Variants in ACTR1A observed in about 807,000 individuals in gnomAD.
ACTR1A encodes the protein alpha-centractin.
ACTR1A carries 10 observed loss-of-function variants against 50.7 expected under a neutral mutation model. That is an observed-to-expected ratio of 0.20 (90% CI 0.12 to 0.33). The LOEUF is 0.33. Ranked by LOEUF, ACTR1A falls within the 10% of genes least tolerant of loss-of-function variation. The probability of loss-of-function intolerance (pLI) is 1.00; values close to 1 mark genes in which losing one functional copy is unlikely to be tolerated. For synonymous variants in ACTR1A, 177 were observed against 184.2 expected (o/e 0.96, Z 0.32); for missense variants, 253 against 491.7 (o/e 0.51, Z 4.59).
chr10:102,495,974 C>A (rs528866898), intron 1 of ACTR1A, among the ~76,000 whole-genome samples: 117 of 151,716 alleles, frequency 7.7e-4, no homozygotes, highest in African/African-American at 2.8e-3. Flanking sequence ...GAGACGCAGT[C>A]TCGCTCTGTT....
chr10:102,481,158 C>T lies in ACTR1A; in HGVS notation c.1002G>A (p.Gln334=). 3 of 1,604,486 alleles carry T rather than the reference C, an allele frequency of 1.9e-6. No homozygotes were observed. The highest frequency in any genetic ancestry group is 2.6e-6 in the Non-Finnish European group (3 of 1,175,062). Residue 334 remains glutamine, a synonymous_variant, in exon 10 of 11, where the codon CAG becomes CAA. Transcript: ENST00000369905. ...KDVKIRISAP[Q]ERLYSTWIGG... ...CAATCCACGTGGAATACAGTCTCTC[C>T]TGAGGTGCAGATATCTGCAAAGGTG...
At position 102,488,030 on chromosome 10, in the gene ACTR1A, G is replaced by C; in HGVS notation, c.315+120C>G. On this transcript the variant is annotated intron_variant, in intron 4 of 10. Transcript: ENST00000369905. This position sits in a 1 kb window ranked among gnomAD's most constrained non-coding sequence, Gnocchi z 4.4. The stretch of plus-strand genomic sequence containing the variant: ...GTTAAGATTAAATCTGAATATGCCT[G>C]AAAATCAAATGGCTCCAGCACTCTT... 8.3e-7 allele frequency: 1 copy of C among 1,209,716 alleles called. No homozygotes were observed. The highest frequency in any genetic ancestry group is 1.2e-6 in the Non-Finnish European group (1 of 859,652). The allele number at this position is 1,209,716 out of a possible 1,614,324, so 74.9% of individuals were successfully genotyped here. A position where few individuals can be genotyped will look rare whatever the true frequency, so the allele number is the denominator to read the frequency against.
rs398014648 is a variant in ACTR1A at position 102,493,001 on chromosome 10, C to CAAAAAAAAAA, written c.49-2398_49-2389dup. ...AGGGAGACAGAGTGAGACTCCACCT[C>CAAAAAAAAAA]AAAAAAAAAAAAAAAAAAAAAAAGA... On this transcript the variant is annotated intron_variant, in intron 1 of 10. Transcript: ENST00000369905. Among the ~76,000 whole-genome samples, 96 of 48,908 alleles carry CAAAAAAAAAA rather than the reference C, an allele frequency of 2.0e-3. 2 individuals are homozygous for CAAAAAAAAAA. The highest frequency in any genetic ancestry group is 4.3e-3 in the African/African-American group (45 of 10,508). 32.1% of individuals were successfully genotyped at this position (48,908 alleles called of 152,430 possible).
At chr10:102,487,756 G>A (rs1052193937) in intron 4 of ACTR1A, among the ~76,000 whole-genome samples, 5 of 150,636 alleles carry the variant, frequency 3.3e-5, no homozygotes, top group African/African-American at 4.9e-5. Context: ...CTCAGCCTCC[G>A]GAGTAGCTGG....
intron 1 of ACTR1A, among the ~76,000 whole-genome samples, chr10:102,492,940 T>A (rs1287906585): frequency 7.4e-6 from 1 of 134,734 alleles, no homozygotes; most frequent in Non-Finnish European, 1.5e-5. Context: ...AGGTGGAGGT[T>A]GCAGTGAGCC....
Position 102,479,410 on chromosome 10 carries a change from T to C in ACTR1A, c.*1453A>G. The C allele has an allele frequency of 2.7e-6, 1 of 376,242 alleles. No individual in the cohort carries two copies. Among genetic ancestry groups the C allele is most frequent in the Non-Finnish European group, 5.1e-6 (1 of 196,598 alleles). 23.3% of individuals were successfully genotyped at this position (376,242 alleles called of 1,614,324 possible). ...CATACCTGCTGCTGTGGCCCACACCTGGCAGGGGCCTTTGGTCATAGGACG... is the reference window on the plus strand; with the variant it reads ...CATACCTGCTGCTGTGGCCCACACCCGGCAGGGGCCTTTGGTCATAGGACG... On this transcript the variant is annotated 3_prime_UTR_variant, in exon 11 of 11. Coordinates refer to ENST00000369905, the MANE Select transcript of ACTR1A (RefSeq NM_005736.4). The surrounding 1 kb of genome is among the most constrained non-coding windows in gnomAD (Gnocchi z 4.0).
chr10:102,495,160 C>G (rs748173310), intron 1 of ACTR1A, among the ~76,000 whole-genome samples: 65 of 152,046 alleles, frequency 4.3e-4, no homozygotes, highest in Non-Finnish European at 7.9e-4. Flanking sequence ...GTCCATAGTC[C>G]TTGCTACTTG....
chr10:102,502,633 A>T lies in ACTR1A; in HGVS notation c.15T>A (p.Asp5Glu). The T allele has an allele frequency of 6.2e-7, 1 of 1,614,230 alleles. No homozygotes were observed. Among genetic ancestry groups the T allele is most frequent in the Non-Finnish European group, 8.5e-7 (1 of 1,180,018 alleles). The part of the protein sequence containing the change: MESY[D>E]VIANQPVVID... Reference sequence around the variant, plus strand: ...TCACGACAGGCTGGTTGGCGATCACATCGTAGGACTCCATGGCAGAGGAAT... The same window carrying T: ...TCACGACAGGCTGGTTGGCGATCACTTCGTAGGACTCCATGGCAGAGGAAT... Residue 5 changes from aspartate to glutamate, a missense_variant, in exon 1 of 11, where the codon GAT (aspartate) becomes GAA (glutamate). Physicochemically the swap from Asp to Glu is conservative, Grantham distance 45. Around this residue, in one of 4 missense-constraint regions of ACTR1A, gnomAD observed 96 missense variants for 238.7 expected, o/e 0.40. Transcript: ENST00000369905.
At position 102,482,390 on chromosome 10, in the gene ACTR1A, G is replaced by A; in HGVS notation, c.751-215C>T. On this transcript the variant is annotated intron_variant, in intron 7 of 10. Transcript: ENST00000369905. The surrounding 1 kb of genome is among the most constrained non-coding windows in gnomAD (Gnocchi z 5.6). ...GCTCCTATATTTCCTTCTCGCTCTG[G>A]CATTTTCCAGCCAAGAGGTCTTTGG... is the stretch of plus-strand genomic sequence containing the variant. 1 of 582,162 alleles carries A rather than the reference G, an allele frequency of 1.7e-6. No individual in the cohort carries two copies. The highest frequency in any genetic ancestry group is 3.0e-6 in the Non-Finnish European group (1 of 328,528). 36.1% of individuals were successfully genotyped at this position (582,162 alleles called of 1,614,324 possible). A position where few individuals can be genotyped will look rare whatever the true frequency, so the allele number is the denominator to read the frequency against.
intron 5 of ACTR1A, 21 bp from the exon 6 acceptor site, chr10:102,484,397 G>A (rs148213932): frequency 1.2e-4 from 191 of 1,595,206 alleles, no homozygotes; most frequent in East Asian, 4.7e-4. Context: ...GGGGCAAACC[G>A]TCACTCAGCA....
In ACTR1A at chr10:102,479,337, A is replaced by G. The variant is rs1399204824; in HGVS notation, c.*1526T>C. 4.2e-5 allele frequency: 16 copies of G among 383,286 alleles called. No individual in the cohort carries two copies. Among genetic ancestry groups the G allele is most frequent in the African/African-American group, 2.7e-4 (13 of 47,396 alleles). The allele number at this position is 383,286 out of a possible 1,614,324, so 23.7% of individuals were successfully genotyped here. On this transcript the variant is annotated 3_prime_UTR_variant, in exon 11 of 11. Transcript: ENST00000369905. The surrounding 1 kb of genome is among the most constrained non-coding windows in gnomAD (Gnocchi z 4.0). ...GGCTTGGGCTAAGAGAAGGGAGGTG[A>G]GTTGGTTAAGCGCACTGCAGTCCGC...
intron 5 of ACTR1A, among the ~76,000 whole-genome samples, chr10:102,485,338 G>T (rs915738106): frequency 7.7e-4 from 118 of 152,364 alleles, no homozygotes; most frequent in African/African-American, 2.8e-3. Context: ...GGCTGCCTCG[G>T]CAGGCCCAGC....
At chr10:102,484,050 A>G in intron 6 of ACTR1A, 110 bp downstream of exon 6, 5 of 1,019,446 alleles carry the variant, frequency 4.9e-6, no homozygotes, top group Non-Finnish European at 7.4e-6. Context: ...AGGCCTCACC[A>G]GGGACCCCCA....
chr10:102,480,878 G>A lies in ACTR1A; in HGVS notation c.1116C>T (p.His372=), dbSNP rs763444321. The A allele has an allele frequency of 1.2e-6, 2 of 1,613,420 alleles. No homozygotes were observed. Among genetic ancestry groups the A allele is most frequent in the East Asian group, 4.5e-5 (2 of 44,888 alleles). The change falls in exon 11 of 11, where the codon CAC becomes CAT. Residue 372 remains histidine (H), a synonymous_variant. Coordinates refer to ENST00000369905, the MANE Select transcript of ACTR1A (RefSeq NM_005736.4). ...EYEEDGARSI[H]RKTF The stretch of plus-strand genomic sequence containing the variant: ...TGTCCCGACATTAGAAGGTTTTTCT[G>A]TGGATGGATCGGGCACCGTCTTCCT...
chr10:102,481,587 TCTA>T lies in ACTR1A; in HGVS notation c.987+247_987+249del, dbSNP rs575737152. ...CCCTGAAAGATCACGCAGGGGGCCC[TCTA>T]CCTAGTACCCTGCCTCATCTGGGTA... On this transcript the variant is annotated intron_variant, in intron 9 of 10. Coordinates refer to ENST00000369905, the MANE Select transcript of ACTR1A (RefSeq NM_005736.4). 2.5e-3 allele frequency among the ~76,000 whole-genome samples: 383 copies of T among 152,290 alleles called. 1 individual carries two copies. Among genetic ancestry groups the T allele is most frequent in the Admixed American group, 4.4e-3 (67 of 15,300 alleles).
At chr10:102,492,656 C>T (rs1013736011) in intron 1 of ACTR1A, among the ~76,000 whole-genome samples, 1 of 152,162 alleles carries the variant, frequency 6.6e-6, no homozygotes, top group African/African-American at 2.4e-5. Context: ...GGGAGTGAGA[C>T]TGGCCATCTG....
chr10:102,481,021 C>G, intron 10 of ACTR1A, 56 bp from the exon 11 acceptor site: 1 of 1,579,504 alleles, frequency 6.3e-7, no homozygotes, highest in Non-Finnish European at 8.7e-7. Context: ...GTGTGTGGAG[C>G]CTACCAGTCC....
At position 102,495,755 on chromosome 10, in the gene ACTR1A, A is replaced by ATT. The variant is rs79530206; in HGVS notation, c.49-5144_49-5143dup. ...AAATAAATAAATAAATAAATACACA[A>ATT]TTTTTTTTTTTTTTTTTTTTTTTGA... On this transcript the variant is annotated intron_variant, in intron 1 of 10. Transcript: ENST00000369905. Among the ~76,000 whole-genome samples the ATT allele has an allele frequency of 9.0e-4, 90 of 99,558 alleles. 3 individuals carry two copies. The East Asian group carries it at 0.011, about 12-fold the overall frequency. The allele number at this position is 99,558 out of a possible 152,430, so 65.3% of individuals were successfully genotyped here.
rs1250894549 is a variant in ACTR1A at position 102,490,607 on chromosome 10, C to T, written c.55G>A (p.Gly19Ser). The T allele has an allele frequency of 3.7e-6, 6 of 1,612,442 alleles. No individual in the cohort carries two copies. The highest frequency in any genetic ancestry group is 2.2e-5 in the East Asian group (1 of 44,848). ...CCAGCAAAACCAGCTTTAATCACACCGGATCCCTGAGGAAAGAGGAGAGAG... is the reference window on the plus strand; with the variant it reads ...CCAGCAAAACCAGCTTTAATCACACTGGATCCCTGAGGAAAGAGGAGAGAG... ...NQPVVIDNGS[G>S]VIKAGFAGDQ... is the part of the protein sequence containing the mutation. Residue 19 changes from glycine (G) to serine (S), a missense_variant, in exon 2 of 11, where the codon GGT becomes AGT. Around this residue, in one of 4 missense-constraint regions of ACTR1A, gnomAD observed 96 missense variants for 238.7 expected, o/e 0.40. Transcript: ENST00000369905.
Sources: allele counts gnomAD v4.1 joint callset (sites outside exome capture counted in the v4.1 genomes callset), GRCh38; gene constraint gnomAD v4.1.1; regional missense constraint gnomAD v4.1.1; non-coding constraint Gnocchi (gnomAD v3.1); transcripts MANE v1.5; gene names NCBI Gene and HGNC (gene_info 2026-07-23, HGNC 2026-07-21).